The following IVNS1ABP variants were observed in gnomAD, a reference collection of about 807,000 sequenced individuals.
The protein encoded by IVNS1ABP is influenza virus NS1A binding protein.
In IVNS1ABP, 25 loss-of-function variants were observed where a neutral mutation model predicts 78.9. That is an observed-to-expected ratio of 0.32 (90% CI 0.23 to 0.44). IVNS1ABP has a LOEUF of 0.44. Ranked by LOEUF, IVNS1ABP falls within the 20% of genes least tolerant of loss-of-function variation. IVNS1ABP has a pLI of 1.00. For synonymous variants in IVNS1ABP, 241 were observed against 259.7 expected (o/e 0.93, Z 0.69); for missense variants, 494 against 768.9 (o/e 0.64, Z 4.23).
At chr1:185,304,228 A>C (rs1665677787) in intron 8 of IVNS1ABP, among the ~76,000 whole-genome samples, 4 of 152,092 alleles carry the variant, frequency 2.6e-5, no homozygotes. Flanking sequence ...AAGGTCCTAC[A>C]AGCAGAAACT....
At chr1:185,310,306 A>T (rs1013114478) in intron 2 of IVNS1ABP, among the ~76,000 whole-genome samples, 1 of 152,196 alleles carries the variant, frequency 6.6e-6, no homozygotes, top group Non-Finnish European at 1.5e-5. Context: ...CACAAAATGC[A>T]TAATTAAAAA....
chr1:185,302,896 C>CCA (rs532502539), intron 8 of IVNS1ABP, among the ~76,000 whole-genome samples: 206 of 152,118 alleles, frequency 1.4e-3, no homozygotes, highest in African/African-American at 4.8e-3. Flanking sequence ...AAGATAAACC[C>CCA]CATCCTTTTT....
At chr1:185,311,524 TTAAA>T (rs1328457288) in intron 1 of IVNS1ABP, among the ~76,000 whole-genome samples, 4 of 142,792 alleles carry the variant, frequency 2.8e-5, no homozygotes, top group African/African-American at 1.0e-4. Flanking sequence ...ACCCAAGTGA[TTAAA>T]AAAAAAAAAA....
chr1:185,300,375 A>C, intron 11 of IVNS1ABP, 32 bp from the exon 12 acceptor site: 1 of 1,613,426 alleles, frequency 6.2e-7, no homozygotes, highest in Non-Finnish European at 8.5e-7. Context: ...AGAATTTCTA[A>C]CATCCTGAAG....
Position 185,297,586 on chromosome 1 carries a change from A to G in IVNS1ABP, c.*449T>C, listed in dbSNP as rs1164856242. ...AAAACAAAAATAGTCAATGTCATCT[A>G]TTTAAATAAGTATCCTTTGTTATAG... On this transcript the variant is annotated 3_prime_UTR_variant, in exon 15 of 15. Coordinates refer to ENST00000367498, the MANE Select transcript of IVNS1ABP (RefSeq NM_006469.5). 6.4e-6 allele frequency: 1 copy of G among 156,540 alleles called. No homozygotes were observed. Among genetic ancestry groups the G allele is most frequent in the Non-Finnish European group, 1.4e-5 (1 of 70,704 alleles). The allele number at this position is 156,540 out of a possible 1,614,324, so 9.7% of individuals were successfully genotyped here. A position where few individuals can be genotyped will look rare whatever the true frequency, so the allele number is the denominator to read the frequency against.
intron 3 of IVNS1ABP, 80 bp downstream of exon 3, chr1:185,309,303 A>G: frequency 8.1e-7 from 1 of 1,241,488 alleles, no homozygotes; most frequent in Non-Finnish European, 1.1e-6. Context: ...AATGCCTATG[A>G]AAAAGAAATA....
intron 1 of IVNS1ABP, among the ~76,000 whole-genome samples, 194 bp from the exon 2 acceptor site, chr1:185,311,516 C>G (rs1005061586): frequency 6.7e-6 from 1 of 148,878 alleles, no homozygotes; most frequent in African/African-American, 2.5e-5. Context: ...TTGCAACAAC[C>G]CAAGTGATTA....
intron 1 of IVNS1ABP, among the ~76,000 whole-genome samples, chr1:185,316,299 C>A (rs1449280839): frequency 2.6e-5 from 4 of 152,160 alleles, no homozygotes; most frequent in Non-Finnish European, 5.9e-5. Context: ...CACTCAGTAC[C>A]GACACGTCAG....
intron 7 of IVNS1ABP, chr1:185,306,406 G>A: frequency 8.7e-7 from 1 of 1,151,220 alleles, no homozygotes. Context: ...CCCAAGTTAA[G>A]TGAGTGACTA....
chr1:185,307,054 A>G lies in IVNS1ABP; in HGVS notation c.617T>C (p.Ile206Thr). The G allele has an allele frequency of 6.2e-7, 1 of 1,613,592 alleles. No homozygotes were observed. The highest frequency in any genetic ancestry group is 8.5e-7 in the Non-Finnish European group (1 of 1,179,578). Reference protein sequence around the residue: ...TKVINWVQRSIWENGDSLEEL... With the variant: ...TKVINWVQRSTWENGDSLEEL... ...TTCCAGACTGTCTCCATTCTCCCAG[A>G]TGCTACGCTGCACCCAGTTGATTAC... is the stretch of plus-strand genomic sequence containing the variant. The change falls in exon 7 of 15, where the codon ATC becomes ACC. Residue 206 changes from isoleucine (I) to threonine (T), a missense_variant. Ile to Thr is a moderately conservative substitution (Grantham distance 89). Coordinates refer to ENST00000367498, the MANE Select transcript of IVNS1ABP (RefSeq NM_006469.5).
chr1:185,299,561 C>A (rs1214014563), intron 14 of IVNS1ABP, 149 bp downstream of exon 14: 5 of 733,832 alleles, frequency 6.8e-6, no homozygotes, highest in Non-Finnish European at 1.2e-5. Flanking sequence ...TTCTAAAGGA[C>A]AAATCACCCT....
In IVNS1ABP at chr1:185,297,915, A is replaced by G; in HGVS notation, c.*120T>C. On this transcript the variant is annotated 3_prime_UTR_variant, in exon 15 of 15. Transcript: ENST00000367498. ...GCATGTTTAATAGTATGCAATATGC[A>G]AAAGCTTTGTGTTGCTGTTAGCAAC... 1.1e-6 allele frequency: 1 copy of G among 942,034 alleles called. No homozygotes were observed. The highest frequency in any genetic ancestry group is 1.6e-6 in the Non-Finnish European group (1 of 616,716). The allele number at this position is 942,034 out of a possible 1,614,324, so 58.4% of individuals were successfully genotyped here.
At chr1:185,311,052 C>T (rs1165897513) in intron 2 of IVNS1ABP, 43 bp downstream of exon 2, 23 of 344,764 alleles carry the variant, frequency 6.7e-5, no homozygotes, top group Non-Finnish European at 1.1e-4. Context: ...TTCAGAAAAA[C>T]AATGTGTCTT....
chr1:185,304,128 C>T (rs967379714), intron 8 of IVNS1ABP, among the ~76,000 whole-genome samples: 3 of 152,056 alleles, frequency 2.0e-5, no homozygotes, highest in African/African-American at 7.2e-5. Context: ...TGTGAAATAT[C>T]CCTGGCTTCT....
chr1:185,296,803 T>TTAAAA lies in IVNS1ABP; in HGVS notation c.*1231_*1232insTTTTA, dbSNP rs1665430996. On this transcript the variant is annotated 3_prime_UTR_variant, in exon 15 of 15. Coordinates refer to ENST00000367498, the MANE Select transcript of IVNS1ABP (RefSeq NM_006469.5). Reference sequence around the variant, plus strand: ...ATGTAAGATGCCAGGTGAGTTATTTTCCACAAATTTCTTAAGCTCATTACT... The same window carrying TTAAAA: ...ATGTAAGATGCCAGGTGAGTTATTTTTAAAACCACAAATTTCTTAAGCTCATTACT... 1 of 152,152 alleles carries TTAAAA rather than the reference T, an allele frequency of 6.6e-6. No individual in the cohort carries two copies. The highest frequency in any genetic ancestry group is 1.5e-5 in the Non-Finnish European group (1 of 68,004). The allele number at this position is 152,152 out of a possible 1,614,324, so 9.4% of individuals were successfully genotyped here. A position where few individuals can be genotyped will look rare whatever the true frequency, so the allele number is the denominator to read the frequency against.
chr1:185,300,691 C>G, intron 10 of IVNS1ABP, 133 bp from the exon 11 acceptor site: 1 of 917,216 alleles, frequency 1.1e-6, no homozygotes, highest in South Asian at 1.7e-5. Context: ...CTTAGTTGAT[C>G]TTTTAACTAA....
chr1:185,310,849 G>A (rs1305277347), intron 2 of IVNS1ABP, among the ~76,000 whole-genome samples: 2 of 151,440 alleles, frequency 1.3e-5, no homozygotes, highest in Admixed American at 6.6e-5. Flanking sequence ...CTGCACTCCA[G>A]CCTGGACAAC....
rs1178775764 is a variant in IVNS1ABP, at chr1:185,301,035, G to A, written c.1057C>T (p.Pro353Ser). ...AGACCAGATCGTGCGTACTGCATAG[G>A]AGACATGGGCTTTTCGATTAGCTCA... ...QDELIEKPMS[P>S]MQYARSGLGT... Residue 353 changes from proline to serine, a missense_variant, in exon 10 of 15, where the codon CCT (proline) becomes TCT (serine). Coordinates refer to ENST00000367498, the MANE Select transcript of IVNS1ABP (RefSeq NM_006469.5). The A allele has an allele frequency of 1.9e-6, 3 of 1,613,424 alleles. No individual in the cohort carries two copies. Among genetic ancestry groups the A allele is most frequent in the Non-Finnish European group, 1.7e-6 (2 of 1,179,698 alleles).
intron 14 of IVNS1ABP, chr1:185,299,509 G>A (rs1167298100): frequency 3.4e-6 from 2 of 596,252 alleles, no homozygotes; most frequent in South Asian, 4.1e-5. Flanking sequence ...GGTGAATTAA[G>A]TTATATATCA....
Sources: allele counts gnomAD v4.1 joint callset (sites outside exome capture counted in the v4.1 genomes callset), GRCh38; gene constraint gnomAD v4.1.1; transcripts MANE v1.5; gene names NCBI Gene and HGNC (gene_info 2026-07-23, HGNC 2026-07-21).